COL24A1: variants seen among roughly 807,000 people sequenced by gnomAD.
COL24A1 encodes the protein collagen alpha-1(XXIV) chain.
COL24A1 carries 224 observed loss-of-function variants against 253.9 expected under a neutral mutation model. The ratio of observed to expected loss-of-function variants is 0.88; its 90% CI spans 0.79 to 0.99. COL24A1 has a LOEUF of 0.99. Ranked by LOEUF, COL24A1 falls within the 50% of genes least tolerant of loss-of-function variation. The pLI is 0.00. For missense variants in COL24A1, 2,131 were observed against 2,068.5 expected, an observed-to-expected ratio of 1.03 and a Z score of -0.59; for synonymous variants, 685 against 673.7, an observed-to-expected ratio of 1.02 and a Z score of -0.26.
At chr1:86,045,197 C>G (rs544895563) in intron 12 of COL24A1, among the ~76,000 whole-genome samples, 1 of 152,080 alleles carries the variant, frequency 6.6e-6, no homozygotes, top group East Asian at 1.9e-4. Flanking sequence ...GCCATATTGG[C>G]CAGGCTGGTC....
At position 85,906,262 on chromosome 1, in the gene COL24A1, G is replaced by GTTTTTTTTTTTTTTTTTTTTTTTTTTT. The variant is rs1438385660; in HGVS notation, c.2778+931_2778+932insAAAAAAAAAAAAAAAAAAAAAAAAAAA. Among the ~76,000 whole-genome samples, 16 of 14,016 alleles carry GTTTTTTTTTTTTTTTTTTTTTTTTTTT rather than the reference G, an allele frequency of 1.1e-3. 1 individual carries two copies. Among genetic ancestry groups the GTTTTTTTTTTTTTTTTTTTTTTTTTTT allele is most frequent in the African/African-American group, 2.0e-3 (7 of 3,530 alleles). The allele number at this position is 14,016 out of a possible 152,430, so 9.2% of individuals were successfully genotyped here. On this transcript the variant is annotated intron_variant, in intron 28 of 59. Transcript: ENST00000370571. ...CATTTGCCAACTGGAAAACTGCAAG[G>GTTTTTTTTTTTTTTTTTTTTTTTTTTT]TCTTTTTTTTTTTTTACCATGGTTA...
intron 28 of COL24A1, among the ~76,000 whole-genome samples, chr1:85,898,750 T>C (rs12088838): frequency 0.33 from 50,210 of 151,930 alleles, 8,963 homozygotes; most frequent in East Asian, 0.51. Context: ...AACAAGCAAA[T>C]AAGTACGTAA....
chr1:86,139,820 G>A (rs756968118), intron 2 of COL24A1, among the ~76,000 whole-genome samples: 23 of 151,902 alleles, frequency 1.5e-4, no homozygotes, highest in Non-Finnish European at 2.2e-4. Flanking sequence ...TATAGACTTC[G>A]ACACACTTTT....
At chr1:86,095,417 T>G (rs909607095) in intron 5 of COL24A1, among the ~76,000 whole-genome samples, 2 of 152,090 alleles carry the variant, frequency 1.3e-5, no homozygotes, top group Non-Finnish European at 2.9e-5. Flanking sequence ...AGAATGGGAA[T>G]TTCAAGTCAG....
chr1:85,771,754 C>G (rs1667980767), intron 53 of COL24A1, among the ~76,000 whole-genome samples: 1 of 149,616 alleles, frequency 6.7e-6, no homozygotes, highest in African/African-American at 2.5e-5. Flanking sequence ...CACAACCTCT[C>G]CAGCATCTGT....
intron 16 of COL24A1, 96 bp downstream of exon 16, chr1:86,022,737 C>T: frequency 8.1e-7 from 1 of 1,239,796 alleles, no homozygotes; most frequent in Non-Finnish European, 1.1e-6. Flanking sequence ...ACAAATTAGA[C>T]TCCATAAAAA....
intron 14 of COL24A1, chr1:86,030,113 A>C (rs956585472): frequency 2.0e-5 from 3 of 152,320 alleles, no homozygotes; most frequent in African/African-American, 7.2e-5. Context: ...AAACAAAAAC[A>C]AAACGCAACC....
intron 11 of COL24A1, among the ~76,000 whole-genome samples, chr1:86,048,691 C>T (rs936713750): frequency 3.6e-4 from 55 of 152,026 alleles, no homozygotes; most frequent in African/African-American, 1.2e-3. Context: ...GGGGTTTCAC[C>T]GTGTTAGCCA....
rs577132287 is a variant in COL24A1, at chr1:86,036,087, T to C, written c.1951-2164A>G. Among the ~76,000 whole-genome samples, 36 of 152,276 alleles carry C rather than the reference T, an allele frequency of 2.4e-4. 1 individual carries two copies. In the South Asian group the frequency reaches 7.5e-3, roughly 32 times the overall value. On this transcript the variant is annotated intron_variant, in intron 12 of 59. Transcript: ENST00000370571. ...AAACATGTGTATTGGTTGTTCACCT[T>C]GACTTTGCCCCTGAAATAATTTAAT...
At chr1:86,099,669 A>G (rs1294959458) in intron 5 of COL24A1, among the ~76,000 whole-genome samples, 1 of 152,144 alleles carries the variant, frequency 6.6e-6, no homozygotes, top group Non-Finnish European at 1.5e-5. Context: ...CTGTAATTCA[A>G]AATGTATCTA....
intron 47 of COL24A1, among the ~76,000 whole-genome samples, chr1:85,816,560 G>A (rs1293675457): frequency 6.6e-6 from 1 of 152,094 alleles, no homozygotes; most frequent in African/African-American, 2.4e-5. Flanking sequence ...TTTTAAAATG[G>A]CATGAATTAT....
At chr1:86,061,180 G>T (rs1329397186) in intron 8 of COL24A1, among the ~76,000 whole-genome samples, 1 of 151,962 alleles carries the variant, frequency 6.6e-6, no homozygotes, top group Admixed American at 6.6e-5. Flanking sequence ...AGTTTGAAGT[G>T]CAAAAAACAT....
chr1:85,774,378 G>A (rs1476315701), intron 53 of COL24A1, among the ~76,000 whole-genome samples: 1 of 152,128 alleles, frequency 6.6e-6, no homozygotes, highest in Non-Finnish European at 1.5e-5. Flanking sequence ...GATGATGCTG[G>A]CCTCATAAAA....
At chr1:85,827,417 G>T (rs1235552025) in intron 43 of COL24A1, among the ~76,000 whole-genome samples, 2 of 151,708 alleles carry the variant, frequency 1.3e-5, no homozygotes, top group East Asian at 3.9e-4. Flanking sequence ...CCCGGCTTTG[G>T]TATCAGGATG....
rs756636224 is a variant in COL24A1 at position 86,057,938 on chromosome 1, C to T, written c.1844G>A (p.Gly615Asp). 29 of 1,612,840 alleles carry T rather than the reference C, an allele frequency of 1.8e-5. No homozygotes were observed. Among genetic ancestry groups the T allele is most frequent in the Non-Finnish European group, 2.5e-5 (29 of 1,179,380 alleles). ...AGPEGNPGPK[G>D]AQGFIGSPGE... ...ATGGAAATGCCTACTTACTTGTGCA[C>T]CTTTAGGACCTGGATTACCTTCTGG... The change falls in exon 10 of 60, where the codon GGT becomes GAT. Residue 615 changes from glycine to aspartate, a missense_variant. Physicochemically the swap from Gly to Asp is moderately conservative, Grantham distance 94. Transcript: ENST00000370571.
intron 23 of COL24A1, 92 bp downstream of exon 23, chr1:85,964,917 T>G (rs1210886884): frequency 9.3e-7 from 1 of 1,080,088 alleles, no homozygotes; most frequent in Admixed American, 2.1e-5. Flanking sequence ...TCTTTTTAAG[T>G]TGATGTGTTC....
chr1:85,825,095 C>G (rs1034927666), intron 43 of COL24A1, among the ~76,000 whole-genome samples: 16 of 131,212 alleles, frequency 1.2e-4, no homozygotes, highest in African/African-American at 3.6e-4. Flanking sequence ...CACAACAGTC[C>G]CCAGAGTGTG....
intron 47 of COL24A1, among the ~76,000 whole-genome samples, chr1:85,811,382 A>C (rs986633793): frequency 1.3e-5 from 2 of 152,122 alleles, no homozygotes; most frequent in African/African-American, 4.8e-5. Flanking sequence ...GTATATCTTA[A>C]ATTTATACAA....
chr1:86,132,230 A>T (rs1649355074), intron 2 of COL24A1, among the ~76,000 whole-genome samples: 1 of 151,602 alleles, frequency 6.6e-6, no homozygotes, highest in Non-Finnish European at 1.5e-5. Flanking sequence ...TTTTCTTGTG[A>T]ATTTGTTTGA....
Sources: gnomAD v4.1 joint callset for allele counts (sites outside exome capture counted in the v4.1 genomes callset) on GRCh38, gnomAD v4.1.1 for gene constraint, MANE v1.5 for transcripts, NCBI Gene and HGNC (gene_info 2026-07-23, HGNC 2026-07-21) for gene names.